The following CCDC27 variants were observed in gnomAD, a reference collection of about 807,000 sequenced individuals.
The protein encoded by CCDC27 is coiled-coil domain-containing protein 27.
A neutral mutation model predicts 80.3 loss-of-function variants in CCDC27; 80 were observed. That is an observed-to-expected ratio of 1.00 (90% CI 0.83 to 1.20). The LOEUF (loss-of-function observed/expected upper bound fraction) is 1.20, where lower values mean the gene tolerates loss of function less well. Among genes scored for constraint, CCDC27 ranks in the 50% most tolerant of loss-of-function variants. The pLI, the probability that CCDC27 is intolerant of heterozygous loss-of-function variation, is 0.00. For synonymous variants in CCDC27, 342 were observed against 334.3 expected, an observed-to-expected ratio of 1.02 and a Z score of -0.25; for missense variants, 815 against 809.4, an observed-to-expected ratio of 1.01 and a Z score of -0.08.
chr1:3,757,359 A>G (rs1241116777), intron 4 of CCDC27, among the ~76,000 whole-genome samples: 1 of 152,168 alleles, frequency 6.6e-6, no homozygotes, highest in African/African-American at 2.4e-5. Flanking sequence ...TGGCCTCATT[A>G]AAATGAAAGA....
chr1:3,762,742 GT>G, intron 6 of CCDC27, 30 bp downstream of exon 6: 2 of 1,539,832 alleles, frequency 1.3e-6, no homozygotes, highest in Non-Finnish European at 1.8e-6. Context: ...CAGGCACGCA[GT>G]GGGGGACCCG....
At chr1:3,757,271 CTATATT>C (rs1407796612) in intron 4 of CCDC27, 1 of 155,094 alleles carries the variant, frequency 6.4e-6, no homozygotes, top group Non-Finnish European at 1.4e-5. Flanking sequence ...TTTTTTAAAT[CTATATT>C]TATAAGAAAG....
intron 2 of CCDC27, among the ~76,000 whole-genome samples, chr1:3,754,833 T>C (rs993949058): frequency 4.8e-5 from 4 of 84,166 alleles, no homozygotes; most frequent in Non-Finnish European, 8.7e-5. Flanking sequence ...CTATAACCAG[T>C]AGCAAGGGTG....
chr1:3,756,789 A>G lies in CCDC27; in HGVS notation c.610A>G (p.Arg204Gly), dbSNP rs1238135936. ...ICEFDYLRKRRKSQTLSPVTS... is the reference protein window; with the variant it reads ...ICEFDYLRKRGKSQTLSPVTS... Reference sequence around the variant, plus strand: ...CGAGTTCGATTACTTGCGGAAGAGGAGAAAATCCCAGACTTTGAGTCCGGT... The same window carrying G: ...CGAGTTCGATTACTTGCGGAAGAGGGGAAAATCCCAGACTTTGAGTCCGGT... Residue 204 changes from arginine (R) to glycine (G), a missense_variant, in exon 4 of 12, where the codon AGA (arginine) becomes GGA (glycine). Coordinates refer to ENST00000294600, the MANE Select transcript of CCDC27 (RefSeq NM_152492.3). 6.2e-7 allele frequency: 1 copy of G among 1,614,078 alleles called. No homozygotes were observed.
chr1:3,752,871 T>C lies in CCDC27; in HGVS notation c.318+72T>C, dbSNP rs1206691295. ...GTTTCTTCTCCTCCCCAAAGGCCCA[T>C]AGAGCTGTCAGCCCACAAAGCATTC... On this transcript the variant is annotated intron_variant, in intron 1 of 11. Coordinates refer to ENST00000294600, the MANE Select transcript of CCDC27 (RefSeq NM_152492.3). The C allele has an allele frequency of 1.0e-5, 15 of 1,482,788 alleles. No individual in the cohort carries two copies. In the African/African-American group the frequency reaches 1.4e-4, roughly 14 times the overall value. The allele number at this position is 1,482,788 out of a possible 1,614,324, so 91.9% of individuals were successfully genotyped here.
chr1:3,761,143 A>G lies in CCDC27; in HGVS notation c.712-138A>G. On this transcript the variant is annotated intron_variant, in intron 4 of 11. Transcript: ENST00000294600. This position sits in a 1 kb window ranked among gnomAD's most constrained non-coding sequence, Gnocchi z 5.0. Reference sequence around the variant, plus strand: ...GTGCTAGCTCTTTACCGCAGTACCTATCTTGAAATCCCTGGGACCCTGGGG... The same window carrying G: ...GTGCTAGCTCTTTACCGCAGTACCTGTCTTGAAATCCCTGGGACCCTGGGG... The G allele has an allele frequency of 2.1e-6, 2 of 942,560 alleles. No homozygotes were observed. The highest frequency in any genetic ancestry group is 3.2e-6 in the Non-Finnish European group (2 of 624,664). 58.4% of individuals were successfully genotyped at this position (942,560 alleles called of 1,614,324 possible).
At position 3,769,289 on chromosome 1, in the gene CCDC27, C is replaced by T. The variant is rs950819717; in HGVS notation, c.1744-494C>T. Among the ~76,000 whole-genome samples, 3 of 152,066 alleles carry T rather than the reference C, an allele frequency of 2.0e-5. No homozygotes were observed. The highest frequency in any genetic ancestry group is 2.0e-4 in the Admixed American group (3 of 15,268). ...GTCTGTGCGCGGGGGCCAGGTTCAACGCTGCTGTCCATGGCACAGACACCT... is the reference window on the plus strand; with the variant it reads ...GTCTGTGCGCGGGGGCCAGGTTCAATGCTGCTGTCCATGGCACAGACACCT... On this transcript the variant is annotated intron_variant, in intron 10 of 11. Coordinates refer to ENST00000294600, the MANE Select transcript of CCDC27 (RefSeq NM_152492.3). This position sits in a 1 kb window ranked among gnomAD's most constrained non-coding sequence, Gnocchi z 4.6.
At chr1:3,762,355 C>A (rs999317610) in intron 5 of CCDC27, among the ~76,000 whole-genome samples, 3 of 152,140 alleles carry the variant, frequency 2.0e-5, no homozygotes, top group Non-Finnish European at 2.9e-5. Context: ...GTAAGGCTGG[C>A]TGGCCTTGTC....
intron 5 of CCDC27, among the ~76,000 whole-genome samples, chr1:3,762,404 G>T (rs953089234): frequency 6.6e-6 from 1 of 152,154 alleles, no homozygotes; most frequent in African/African-American, 2.4e-5. Flanking sequence ...TGCTCTGGGG[G>T]TGCCTAGAGC....
At chr1:3,756,548 A>C in intron 3 of CCDC27, 185 bp from the exon 4 acceptor site, 1 of 593,816 alleles carries the variant, frequency 1.7e-6, no homozygotes, top group Admixed American at 3.0e-5. Context: ...CATCGTGTTC[A>C]CAGCAGCACC....
At chr1:3,764,490 C>T (rs995408785) in intron 8 of CCDC27, among the ~76,000 whole-genome samples, 7 of 152,066 alleles carry the variant, frequency 4.6e-5, no homozygotes, top group African/African-American at 9.7e-5. Context: ...CCCTTGCCAC[C>T]GCCCCCCAAC....
rs929940924 is a variant in CCDC27 at position 3,768,698 on chromosome 1, T to A, written c.1744-1085T>A. ...CCTGGAAAGCTGAGCTGAGAAATATTGTGAAGCTAAGTCCGGGTGAGCAGG... is the reference window on the plus strand; with the variant it reads ...CCTGGAAAGCTGAGCTGAGAAATATAGTGAAGCTAAGTCCGGGTGAGCAGG... On this transcript the variant is annotated intron_variant, in intron 10 of 11. Coordinates refer to ENST00000294600, the MANE Select transcript of CCDC27 (RefSeq NM_152492.3). This position sits in a 1 kb window ranked among gnomAD's most constrained non-coding sequence, Gnocchi z 5.6. Among the ~76,000 whole-genome samples, 1 of 152,078 alleles carries A rather than the reference T, an allele frequency of 6.6e-6. No individual in the cohort carries two copies. The highest frequency in any genetic ancestry group is 2.1e-4 in the South Asian group (1 of 4,830).
At position 3,769,183 on chromosome 1, in the gene CCDC27, T is replaced by TAGC. The variant is rs1229882880; in HGVS notation, c.1744-599_1744-597dup. ...TCTGCAGCTTCCTGGGAGGCACGAT[T>TAGC]AGCTACCTCTGGGGAGGCGGCTGCG... On this transcript the variant is annotated intron_variant, in intron 10 of 11. Coordinates refer to ENST00000294600, the MANE Select transcript of CCDC27 (RefSeq NM_152492.3). The surrounding 1 kb of genome is among the most constrained non-coding windows in gnomAD (Gnocchi z 4.6). 2.6e-5 allele frequency among the ~76,000 whole-genome samples: 4 copies of TAGC among 152,256 alleles called. No homozygotes were observed. The East Asian group carries it at 7.7e-4, about 29-fold the overall frequency.
rs756488277 is a variant in CCDC27, at chr1:3,752,818, A to G, written c.318+19A>G. On this transcript the variant is annotated intron_variant, in intron 1 of 11. Coordinates refer to ENST00000294600, the MANE Select transcript of CCDC27 (RefSeq NM_152492.3). Reference sequence around the variant, plus strand: ...GAAGACGGTATGGGGTCCCGGGAGGAGGGCTGCCACGAGCCTTGAGGTGAC... The same window carrying G: ...GAAGACGGTATGGGGTCCCGGGAGGGGGGCTGCCACGAGCCTTGAGGTGAC... 2.5e-6 allele frequency: 4 copies of G among 1,604,018 alleles called. No homozygotes were observed. In the Admixed American group the frequency reaches 6.7e-5, roughly 27 times the overall value.
intron 2 of CCDC27, among the ~76,000 whole-genome samples, chr1:3,755,216 G>A (rs1484970057): frequency 6.6e-6 from 1 of 152,208 alleles, no homozygotes; most frequent in African/African-American, 2.4e-5. Flanking sequence ...CCCCTCCGGG[G>A]GAAAGGGGGC....
In CCDC27 at chr1:3,766,837, CTT is replaced by C. The variant is rs34635257; in HGVS notation, c.1530+246_1530+247del. 8.5e-3 allele frequency among the ~76,000 whole-genome samples: 896 copies of C among 105,418 alleles called. 2 individuals carry two copies. Among genetic ancestry groups the C allele is most frequent in the South Asian group, 0.033 (94 of 2,834 alleles). The allele number at this position is 105,418 out of a possible 152,430, so 69.2% of individuals were successfully genotyped here. A position where few individuals can be genotyped will look rare whatever the true frequency, so the allele number is the denominator to read the frequency against. On this transcript the variant is annotated intron_variant, in intron 9 of 11. Transcript: ENST00000294600. The surrounding 1 kb of genome is among the most constrained non-coding windows in gnomAD (Gnocchi z 6.1). ...AGGGACCCAGCAAGCGTTCCCAGTC[CTT>C]TTTTTTTTTTTTTTTTTTTTGAGAC...
At position 3,767,430 on chromosome 1, in the gene CCDC27, G is replaced by A. The variant is rs145881374; in HGVS notation, c.1728G>A (p.Glu576=). The A allele has an allele frequency of 1.2e-6, 2 of 1,612,562 alleles. No homozygotes were observed. Among genetic ancestry groups the A allele is most frequent in the Non-Finnish European group, 1.7e-6 (2 of 1,179,728 alleles). The change falls in exon 10 of 12, where the codon GAG becomes GAA. Residue 576 remains glutamate, a synonymous_variant. Coordinates refer to ENST00000294600, the MANE Select transcript of CCDC27 (RefSeq NM_152492.3). ...AGCAGCACACCCGCGTGGCCCTGGA[G>A]AGCTCCCAGTCCAGGGTATGCCCAG... is the stretch of plus-strand genomic sequence containing the variant. ...QAEQHTRVAL[E]SSQSRLERLR... is the part of the protein sequence containing the mutation.
rs1401087357 is a variant in CCDC27, at chr1:3,768,872, G to C, written c.1744-911G>C. ...CCTCACGACCTCCAGCACCTGGCAC[G>C]GTGTTTGTACAAAGTTGGGCGCTCA... is the stretch of plus-strand genomic sequence containing the variant. On this transcript the variant is annotated intron_variant, in intron 10 of 11. Transcript: ENST00000294600. This position sits in a 1 kb window ranked among gnomAD's most constrained non-coding sequence, Gnocchi z 5.6. Among the ~76,000 whole-genome samples, 1 of 152,184 alleles carries C rather than the reference G, an allele frequency of 6.6e-6. No individual in the cohort carries two copies. Among genetic ancestry groups the C allele is most frequent in the Non-Finnish European group, 1.5e-5 (1 of 68,036 alleles).
rs781476977 is a variant in CCDC27, at chr1:3,769,922, C to T, written c.1848+35C>T. 1.4e-6 allele frequency: 2 copies of T among 1,479,964 alleles called. No homozygotes were observed. The highest frequency in any genetic ancestry group is 1.9e-6 in the Non-Finnish European group (2 of 1,057,734). 91.7% of individuals were successfully genotyped at this position (1,479,964 alleles called of 1,614,324 possible). On this transcript the variant is annotated intron_variant, in intron 11 of 11. Transcript: ENST00000294600. The surrounding 1 kb of genome is among the most constrained non-coding windows in gnomAD (Gnocchi z 4.6). ...TAAGCTCAGCTGCCTCTATCCGGGC[C>T]CCAGACCCCCAGGCCAGAGCTGTGG...
Sources: allele counts gnomAD v4.1 joint callset (sites outside exome capture counted in the v4.1 genomes callset), GRCh38; gene constraint gnomAD v4.1.1; non-coding constraint Gnocchi (gnomAD v3.1); transcripts MANE v1.5; gene names NCBI Gene and HGNC (gene_info 2026-07-23, HGNC 2026-07-21).